Variants in GABRB1 observed in about 807,000 individuals in gnomAD.
GABRB1 encodes gamma-aminobutyric acid type A receptor subunit beta1.
Under a neutral mutation model 51.6 loss-of-function variants are expected in GABRB1, and 17 were observed. The observed-to-expected ratio is 0.33, with a 90% confidence interval of 0.23 to 0.49. The LOEUF is 0.49. Among genes scored for constraint, GABRB1 ranks in the 20% least tolerant of loss-of-function variants. The probability of loss-of-function intolerance (pLI) is 0.99; values close to 1 mark genes in which losing one functional copy is unlikely to be tolerated. For missense variants in GABRB1, 410 were observed against 600.6 expected (o/e 0.68, Z 3.32); for synonymous variants, 247 against 218.9 (o/e 1.13, Z -1.14).
chr4:47,242,941 T>G (rs1253552913), intron 4 of GABRB1, among the ~76,000 whole-genome samples: 3 of 152,226 alleles, frequency 2.0e-5, no homozygotes, highest in Non-Finnish European at 4.4e-5. Flanking sequence ...TTTTCGTGTT[T>G]TAGACATGAA....
At chr4:47,409,900 A>G (rs1246728590) in intron 8 of GABRB1, among the ~76,000 whole-genome samples, 1 of 152,262 alleles carries the variant, frequency 6.6e-6, no homozygotes, top group Non-Finnish European at 1.5e-5. Context: ...GCAGGAGGAA[A>G]GCCTATGTCA....
chr4:47,147,469 C>T (rs1280706902), intron 3 of GABRB1, among the ~76,000 whole-genome samples: 1 of 152,076 alleles, frequency 6.6e-6, no homozygotes, highest in Admixed American at 6.6e-5. Context: ...GTTTGGGCAT[C>T]CACTAGACGG....
Position 47,130,325 on chromosome 4 carries a change from CTGTGTGTGTGTGTGTGTGTGTG to C in GABRB1, c.241-30891_241-30870del, listed in dbSNP as rs67244692. ...CCCCATAATGTCTGGGCTCCAGATA[CTGTGTGTGTGTGTGTGTGTGTG>C]TGTGTGTGTGTGTGTGTGTGTGTGT... On this transcript the variant is annotated intron_variant, in intron 3 of 8. Transcript: ENST00000295454. Among the ~76,000 whole-genome samples, 974 of 133,736 alleles carry C rather than the reference CTGTGTGTGTGTGTGTGTGTGTG, an allele frequency of 7.3e-3. 6 individuals carry two copies. The highest frequency in any genetic ancestry group is 0.015 in the Middle Eastern group (4 of 268). 87.7% of individuals were successfully genotyped at this position (133,736 alleles called of 152,430 possible).
At chr4:47,096,380 AT>A (rs757762922) in intron 3 of GABRB1, among the ~76,000 whole-genome samples, 79 of 152,188 alleles carry the variant, frequency 5.2e-4, no homozygotes, top group Non-Finnish European at 1.0e-3. Context: ...AACTAAGCCG[AT>A]CCCTGCAAAG....
chr4:47,252,080 G>T (rs1207376374), intron 4 of GABRB1, among the ~76,000 whole-genome samples: 1 of 43,404 alleles, frequency 2.3e-5, no homozygotes, highest in Non-Finnish European at 5.0e-5. Context: ...TCCCGCCACC[G>T]CCCCCCACCC....
intron 4 of GABRB1, among the ~76,000 whole-genome samples, chr4:47,210,746 T>A (rs1720321832): frequency 6.6e-6 from 1 of 152,168 alleles, no homozygotes; most frequent in South Asian, 2.1e-4. Flanking sequence ...AGACACTGTG[T>A]CAGTTGTTAA....
intron 5 of GABRB1, among the ~76,000 whole-genome samples, chr4:47,358,791 G>C (rs1022543953): frequency 6.6e-6 from 1 of 152,116 alleles, no homozygotes; most frequent in Non-Finnish European, 1.5e-5. Flanking sequence ...CAATGAACCC[G>C]AATGTAACTG....
chr4:47,416,989 T>C (rs367958439), intron 8 of GABRB1, among the ~76,000 whole-genome samples: 3 of 152,150 alleles, frequency 2.0e-5, no homozygotes, highest in African/African-American at 7.2e-5. Context: ...TCAGGATCTA[T>C]TTAAAAGTAG....
chr4:47,321,235 T>C (rs1725073257), intron 5 of GABRB1, among the ~76,000 whole-genome samples: 1 of 152,198 alleles, frequency 6.6e-6, no homozygotes, highest in Non-Finnish European at 1.5e-5. Flanking sequence ...AAATACTTTC[T>C]AGATCTAAAC....
At chr4:47,356,050 A>T (rs13116893) in intron 5 of GABRB1, among the ~76,000 whole-genome samples, 62,501 of 152,078 alleles carry the variant, frequency 0.41, 13,393 homozygotes, top group Middle Eastern at 0.47. Flanking sequence ...AACAGCACAT[A>T]GCACACTGCT....
intron 5 of GABRB1, among the ~76,000 whole-genome samples, chr4:47,326,834 G>A (rs1725279372): frequency 6.6e-6 from 1 of 152,138 alleles, no homozygotes. Context: ...ACGGCATTTT[G>A]TCATAGCAAT....
At chr4:47,113,521 A>T (rs1053743842) in intron 3 of GABRB1, among the ~76,000 whole-genome samples, 9 of 152,256 alleles carry the variant, frequency 5.9e-5, no homozygotes, top group Non-Finnish European at 1.3e-4. Flanking sequence ...ATAAGGAAAA[A>T]ATAAGTCAAT....
chr4:47,023,311 ATAACT>A (rs1399446942), intron 1 of GABRB1, among the ~76,000 whole-genome samples: 3 of 152,082 alleles, frequency 2.0e-5, no homozygotes, highest in Non-Finnish European at 4.4e-5. Flanking sequence ...ACATTTTAAA[ATAACT>A]TAAAGAGTGT....
At chr4:47,162,048 A>G (rs1272442287) in intron 4 of GABRB1, among the ~76,000 whole-genome samples, 1 of 152,020 alleles carries the variant, frequency 6.6e-6, no homozygotes, top group Non-Finnish European at 1.5e-5. Context: ...AATAACATCA[A>G]TTGTTCTTGG....
At chr4:47,241,856 AG>A (rs1178908938) in intron 4 of GABRB1, among the ~76,000 whole-genome samples, 10 of 151,958 alleles carry the variant, frequency 6.6e-5, no homozygotes, top group Admixed American at 6.6e-4. Context: ...AATTCATTAA[AG>A]GTTTTTTTTA....
chr4:47,417,248 T>C (rs1053723821), intron 8 of GABRB1, among the ~76,000 whole-genome samples: 8 of 152,188 alleles, frequency 5.3e-5, no homozygotes, highest in African/African-American at 1.7e-4. Flanking sequence ...ACCTAGCAAC[T>C]GGAAGCCACA....
chr4:47,336,270 G>A (rs1051108022), intron 5 of GABRB1, among the ~76,000 whole-genome samples: 7 of 152,104 alleles, frequency 4.6e-5, no homozygotes, highest in South Asian at 2.1e-4. Context: ...GAATCTGAAC[G>A]GCATTTCCAA....
intron 1 of GABRB1, among the ~76,000 whole-genome samples, chr4:47,019,609 C>G (rs1470174254): frequency 9.9e-6 from 1 of 100,938 alleles, no homozygotes; most frequent in African/African-American, 3.9e-5. Flanking sequence ...TTCCTCCCTT[C>G]TTTCTTTCTT....
chr4:47,129,619 G>A (rs371380518), intron 3 of GABRB1, among the ~76,000 whole-genome samples: 2 of 152,118 alleles, frequency 1.3e-5, no homozygotes, highest in African/African-American at 4.8e-5. Context: ...TTAATTAATG[G>A]CCATAAACTA....
Sources: gnomAD v4.1 joint callset for allele counts (sites outside exome capture counted in the v4.1 genomes callset) on GRCh38, gnomAD v4.1.1 for gene constraint, MANE v1.5 for transcripts, NCBI Gene and HGNC (gene_info 2026-07-23, HGNC 2026-07-21) for gene names.